RYR2: variants seen among roughly 807,000 people sequenced by gnomAD.
RYR2 encodes the protein ryanodine receptor 2.
In RYR2, 227 loss-of-function variants were observed where a neutral mutation model predicts 601.1. That is an observed-to-expected ratio of 0.38 (90% CI 0.34 to 0.42). The LOEUF (loss-of-function observed/expected upper bound fraction) is 0.42. Among genes scored for constraint, RYR2 ranks in the 10% least tolerant of loss-of-function variants. The probability of loss-of-function intolerance (pLI) is 1.00; values close to 1 mark genes in which losing one functional copy is unlikely to be tolerated. For missense variants in RYR2, 4,646 were observed against 6,156.5 expected (o/e 0.75, Z 8.21); for synonymous variants, 2,223 against 2,175.1 (o/e 1.02, Z -0.61).
intron 73 of RYR2, among the ~76,000 whole-genome samples, chr1:237,720,138 T>A (rs1689601868): frequency 6.6e-6 from 1 of 152,374 alleles, no homozygotes; most frequent in East Asian, 1.9e-4. Context: ...TTCATTTGTT[T>A]ATAAAACCTG....
At chr1:237,091,670 C>G (rs2148464608) in intron 1 of RYR2, among the ~76,000 whole-genome samples, 1 of 152,340 alleles carries the variant, frequency 6.6e-6, no homozygotes, top group Non-Finnish European at 1.5e-5. Flanking sequence ...AGTGATCCCC[C>G]CGCCTTGGCC....
chr1:237,304,961 C>T (rs926246366), intron 2 of RYR2, among the ~76,000 whole-genome samples: 2 of 152,120 alleles, frequency 1.3e-5, no homozygotes, highest in African/African-American at 4.8e-5. Context: ...ATGAAAACAT[C>T]AGCCTCATTA....
chr1:237,551,380 A>G (rs146026459), intron 27 of RYR2, among the ~76,000 whole-genome samples: 3,089 of 151,898 alleles, frequency 0.02, 95 homozygotes, highest in African/African-American at 0.065. Context: ...AATACAAAAA[A>G]ATTAGCTGGG....
intron 1 of RYR2, among the ~76,000 whole-genome samples, chr1:237,130,344 C>A (rs893121801): frequency 6.6e-6 from 1 of 152,108 alleles, no homozygotes; most frequent in Non-Finnish European, 1.5e-5. Flanking sequence ...CCCTAGAGAA[C>A]TACATAACTA....
At chr1:237,673,081 T>C (rs1685096139) in intron 58 of RYR2, among the ~76,000 whole-genome samples, 1 of 152,220 alleles carries the variant, frequency 6.6e-6, no homozygotes, top group South Asian at 2.1e-4. Flanking sequence ...TAAACTATAT[T>C]GGAAACTGAT....
At position 237,104,086 on chromosome 1, in the gene RYR2, C is replaced by T. The variant is rs534449920; in HGVS notation, c.48+61517C>T. Among the ~76,000 whole-genome samples, 13 of 152,244 alleles carry T rather than the reference C, an allele frequency of 8.5e-5. No individual in the cohort carries two copies. In the East Asian group the frequency reaches 2.5e-3, roughly 29 times the overall value. On this transcript the variant is annotated intron_variant, in intron 1 of 104. Coordinates refer to ENST00000366574, the MANE Select transcript of RYR2 (RefSeq NM_001035.3). Reference sequence around the variant, plus strand: ...CAAATGCATCGGTTCCTCATCATTTCTCCTCTGGACCAGCAAGGGGCTTTC... The same window carrying T: ...CAAATGCATCGGTTCCTCATCATTTTTCCTCTGGACCAGCAAGGGGCTTTC...
intron 1 of RYR2, among the ~76,000 whole-genome samples, chr1:237,159,292 A>AG (rs1675743918): frequency 1.3e-5 from 2 of 150,984 alleles, no homozygotes; most frequent in African/African-American, 2.4e-5. Context: ...ACTCCATCTC[A>AG]AAAAATAATA....
intron 3 of RYR2, among the ~76,000 whole-genome samples, chr1:237,342,429 CA>C (rs1470591725): frequency 6.6e-6 from 1 of 151,126 alleles, no homozygotes; most frequent in African/African-American, 2.4e-5. Flanking sequence ...GTTGGGATTA[CA>C]GGTGTGAGCC....
chr1:237,244,183 CT>C (rs1381969860), intron 1 of RYR2, among the ~76,000 whole-genome samples: 1 of 152,190 alleles, frequency 6.6e-6, no homozygotes. Flanking sequence ...CACATAGCTT[CT>C]TCCTTTTGCT....
chr1:237,487,642 A>G (rs1180579442), intron 17 of RYR2, among the ~76,000 whole-genome samples: 1 of 149,696 alleles, frequency 6.7e-6, no homozygotes, highest in Non-Finnish European at 1.5e-5. Context: ...CTAAGGTGGG[A>G]GGATTGCTTA....
chr1:237,472,988 C>T (rs1252598007), intron 17 of RYR2, among the ~76,000 whole-genome samples: 1 of 151,428 alleles, frequency 6.6e-6, no homozygotes, highest in Non-Finnish European at 1.5e-5. Flanking sequence ...TTTTTTCCAC[C>T]TTGCTTTTAC....
At chr1:237,776,241 A>G (rs1694648428) in intron 87 of RYR2, among the ~76,000 whole-genome samples, 1 of 152,190 alleles carries the variant, frequency 6.6e-6, no homozygotes, top group South Asian at 2.1e-4. Flanking sequence ...ATTGCTTTCA[A>G]ACCAGAGCTG....
At chr1:237,559,752 T>C (rs112812424) in intron 27 of RYR2, among the ~76,000 whole-genome samples, 2,200 of 152,354 alleles carry the variant, frequency 0.014, 18 homozygotes, top group Non-Finnish European at 0.023. Flanking sequence ...AAATTGAACA[T>C]TTAAAGTAAT....
At chr1:237,307,920 T>C (rs78156819) in intron 2 of RYR2, among the ~76,000 whole-genome samples, 2 of 110,642 alleles carry the variant, frequency 1.8e-5, no homozygotes, top group Admixed American at 9.0e-5. Flanking sequence ...GCGACTCCAT[T>C]TTGAGTGAAG....
chr1:237,616,107 A>G (rs1052325123), intron 37 of RYR2, among the ~76,000 whole-genome samples: 1 of 152,152 alleles, frequency 6.6e-6, no homozygotes, highest in African/African-American at 2.4e-5. Context: ...CTAGGAGACC[A>G]TGCTCAGAGG....
At chr1:237,433,605 A>G (rs906884683) in intron 12 of RYR2, among the ~76,000 whole-genome samples, 5 of 152,150 alleles carry the variant, frequency 3.3e-5, no homozygotes, top group Admixed American at 1.3e-4. Context: ...ACATTTGATC[A>G]TGGTCTCTGT....
chr1:237,444,189 T>C (rs924061392), intron 13 of RYR2, among the ~76,000 whole-genome samples: 1 of 152,154 alleles, frequency 6.6e-6, no homozygotes, highest in African/African-American at 2.4e-5. Flanking sequence ...AGGAATCAAA[T>C]TTTGAGTTTA....
chr1:237,276,957 A>T (rs1690352129), intron 2 of RYR2, among the ~76,000 whole-genome samples: 2 of 152,224 alleles, frequency 1.3e-5, no homozygotes, highest in East Asian at 3.8e-4. Context: ...TTCAAAATTA[A>T]GAAAAAATTT....
At chr1:237,355,649 G>A (rs555626429) in intron 3 of RYR2, among the ~76,000 whole-genome samples, 1 of 152,126 alleles carries the variant, frequency 6.6e-6, no homozygotes, top group East Asian at 1.9e-4. Flanking sequence ...AAATCAGAAG[G>A]CCTATTACGT....
Sources: gnomAD v4.1 joint callset for allele counts (sites outside exome capture counted in the v4.1 genomes callset) on GRCh38, gnomAD v4.1.1 for gene constraint, MANE v1.5 for transcripts, NCBI Gene and HGNC (gene_info 2026-07-23, HGNC 2026-07-21) for gene names.